Variants in SPAG16 observed in about 807,000 individuals in gnomAD.
SPAG16 encodes sperm associated antigen 16, also known as sperm-associated antigen 16 protein.
Under a neutral mutation model 80.4 loss-of-function variants are expected in SPAG16, and 86 were observed. The observed-to-expected ratio is 1.07, with a 90% CI of 0.90 to 1.28. SPAG16 has a LOEUF of 1.28. Ranked by LOEUF, SPAG16 falls within the 50% of genes most tolerant of loss-of-function variation. SPAG16 has a pLI of 0.00. For missense variants in SPAG16, 870 were observed against 765.3 expected (o/e 1.14, Z -1.61); for synonymous variants, 294 against 265.9 (o/e 1.11, Z -1.03).
At chr2:214,100,076 G>T (rs112180039) in intron 13 of SPAG16, among the ~76,000 whole-genome samples, 3,205 of 152,038 alleles carry the variant, frequency 0.021, 114 homozygotes, top group African/African-American at 0.074. Context: ...TGTCCCCCAT[G>T]CTGTTCTCAT....
intron 9 of SPAG16, among the ~76,000 whole-genome samples, chr2:213,408,256 A>G (rs111632505): frequency 0.29 from 44,424 of 152,172 alleles, 6,972 homozygotes; most frequent in African/African-American, 0.35. Context: ...AAACAAGGGC[A>G]TAGCCAGAAA....
intron 12 of SPAG16, 106 bp from the exon 13 acceptor site, chr2:214,013,845 C>A (rs2047442336): frequency 8.4e-7 from 1 of 1,185,012 alleles, no homozygotes; most frequent in South Asian, 2.1e-5. Context: ...AAATTTTTGC[C>A]ATTAATAAAA....
chr2:214,249,143 G>A (rs948127749), intron 15 of SPAG16, among the ~76,000 whole-genome samples: 6 of 152,056 alleles, frequency 3.9e-5, no homozygotes, highest in African/African-American at 1.4e-4. Flanking sequence ...TGAAGAATGT[G>A]AAAAATTAGG....
At chr2:214,287,173 C>A (rs1020225335) in intron 15 of SPAG16, among the ~76,000 whole-genome samples, 1 of 152,132 alleles carries the variant, frequency 6.6e-6, no homozygotes, top group African/African-American at 2.4e-5. Context: ...CTTTCTGAAC[C>A]ATTTCCTATT....
At chr2:213,701,770 C>G (rs2065434455) in intron 10 of SPAG16, among the ~76,000 whole-genome samples, 1 of 151,982 alleles carries the variant, frequency 6.6e-6, no homozygotes, top group Non-Finnish European at 1.5e-5. Context: ...ATGTCTAGCT[C>G]AGGGATTGTA....
At chr2:213,914,014 A>G (rs1040455758) in intron 11 of SPAG16, among the ~76,000 whole-genome samples, 2 of 152,182 alleles carry the variant, frequency 1.3e-5, no homozygotes, top group African/African-American at 4.8e-5. Context: ...CACCTAAAAC[A>G]TACCTCCACA....
intron 10 of SPAG16, among the ~76,000 whole-genome samples, chr2:213,563,108 AT>A (rs2059647766): frequency 6.6e-6 from 1 of 151,976 alleles, no homozygotes; most frequent in Non-Finnish European, 1.5e-5. Flanking sequence ...TTTGTGTTTT[AT>A]TTTTTTAGTT....
intron 9 of SPAG16, among the ~76,000 whole-genome samples, chr2:213,465,319 G>A (rs769505833): frequency 1.3e-5 from 2 of 152,130 alleles, no homozygotes; most frequent in South Asian, 4.1e-4. Context: ...ACTTGCACCC[G>A]AGAAAACAGG....
At chr2:213,563,011 G>A (rs1457850151) in intron 10 of SPAG16, among the ~76,000 whole-genome samples, 1 of 152,202 alleles carries the variant, frequency 6.6e-6, no homozygotes, top group African/African-American at 2.4e-5. Flanking sequence ...TTCAACATAG[G>A]AATTTGGCAT....
chr2:213,349,624 G>A (rs1015875457), intron 6 of SPAG16, among the ~76,000 whole-genome samples: 2 of 152,068 alleles, frequency 1.3e-5, no homozygotes, highest in Non-Finnish European at 2.9e-5. Flanking sequence ...ATTCATGATA[G>A]CCCAAACTAA....
At chr2:214,104,390 C>G (rs1300337522) in intron 13 of SPAG16, among the ~76,000 whole-genome samples, 3 of 151,912 alleles carry the variant, frequency 2.0e-5, no homozygotes, top group Non-Finnish European at 2.9e-5. Context: ...GTTGGTTGCT[C>G]TAGTGGCGGT....
chr2:213,983,999 C>T (rs1420680263), intron 12 of SPAG16, among the ~76,000 whole-genome samples: 1 of 151,998 alleles, frequency 6.6e-6, no homozygotes. Flanking sequence ...AGAAGTGGAA[C>T]TGAGTGGCAT....
intron 12 of SPAG16, among the ~76,000 whole-genome samples, chr2:213,978,518 A>G (rs2045534616): frequency 6.6e-6 from 1 of 152,088 alleles, no homozygotes; most frequent in African/African-American, 2.4e-5. Flanking sequence ...ATGATTCCAC[A>G]TATTAGGTAT....
At chr2:213,352,961 A>G (rs1427376950) in intron 7 of SPAG16, among the ~76,000 whole-genome samples, 1 of 152,204 alleles carries the variant, frequency 6.6e-6, no homozygotes. Context: ...ATGTTTAGCT[A>G]AAACATAGTT....
At chr2:214,035,151 G>A (rs1268315651) in intron 13 of SPAG16, among the ~76,000 whole-genome samples, 1 of 151,748 alleles carries the variant, frequency 6.6e-6, no homozygotes, top group Non-Finnish European at 1.5e-5. Flanking sequence ...TCTGCAGCTG[G>A]TCTTATCATC....
intron 8 of SPAG16, among the ~76,000 whole-genome samples, chr2:213,371,312 A>G (rs555947654): frequency 1.3e-5 from 2 of 151,354 alleles, no homozygotes; most frequent in African/African-American, 4.8e-5. Flanking sequence ...GGCTGAGACA[A>G]GAGAATCACT....
intron 13 of SPAG16, among the ~76,000 whole-genome samples, chr2:214,039,988 A>G (rs2125086956): frequency 6.6e-6 from 1 of 152,270 alleles, no homozygotes; most frequent in Non-Finnish European, 1.5e-5. Flanking sequence ...CCTTCTGCAC[A>G]CTCAGTCATT....
intron 14 of SPAG16, among the ~76,000 whole-genome samples, chr2:214,125,923 G>T: frequency 6.6e-6 from 1 of 151,412 alleles, no homozygotes; most frequent in East Asian, 1.9e-4. Flanking sequence ...AATGTGATTG[G>T]GCAAAAGAAT....
chr2:213,524,254 A>G (rs1460432749), intron 10 of SPAG16, among the ~76,000 whole-genome samples: 11 of 152,218 alleles, frequency 7.2e-5, no homozygotes, highest in Admixed American at 2.0e-4. Context: ...GATGTACAGA[A>G]GACAAAAATT....
Sources: gnomAD v4.1 joint callset for allele counts (sites outside exome capture counted in the v4.1 genomes callset) on GRCh38, gnomAD v4.1.1 for gene constraint, MANE v1.5 for transcripts, NCBI Gene and HGNC (gene_info 2026-07-23, HGNC 2026-07-21) for gene names.